SLC16A12: variants seen among roughly 807,000 people sequenced by gnomAD.
SLC16A12 encodes the protein solute carrier family 16 member 12.
In SLC16A12, 17 loss-of-function variants were observed where a neutral mutation model predicts 42.4. The observed-to-expected ratio is 0.40, with a 90% CI of 0.27 to 0.60. The LOEUF (loss-of-function observed/expected upper bound fraction) is 0.60. SLC16A12 is among the 20% of genes least tolerant of loss of function. The pLI is 0.42. For synonymous variants in SLC16A12, 224 were observed against 229.4 expected, an observed-to-expected ratio of 0.98 and a Z score of 0.21; for missense variants, 544 against 623.0, an observed-to-expected ratio of 0.87 and a Z score of 1.35.
intron 2 of SLC16A12, among the ~76,000 whole-genome samples, chr10:89,506,862 C>G (rs150983664): frequency 0.023 from 3,452 of 151,990 alleles, 131 homozygotes; most frequent in African/African-American, 0.078. Flanking sequence ...CTAGAATAAC[C>G]AGTGTAGAGA....
intron 2 of SLC16A12, among the ~76,000 whole-genome samples, chr10:89,473,613 AT>A (rs1169607386): frequency 2.6e-5 from 4 of 152,076 alleles, no homozygotes; most frequent in East Asian, 1.9e-4. Flanking sequence ...ACAAGTTGTA[AT>A]TTTTTTCGTA....
intron 2 of SLC16A12, among the ~76,000 whole-genome samples, chr10:89,468,464 C>A (rs1842442117): frequency 6.6e-6 from 1 of 152,196 alleles, no homozygotes; most frequent in South Asian, 2.1e-4. Flanking sequence ...TTGGATGATG[C>A]ACTTGTCCAT....
rs560224311 is a variant in SLC16A12, at chr10:89,449,286, G to A, written c.201-5427C>T. 2.9e-3 allele frequency among the ~76,000 whole-genome samples: 449 copies of A among 152,246 alleles called. 1 individual carries two copies. Among genetic ancestry groups the A allele is most frequent in the Admixed American group, 3.6e-3 (55 of 15,286 alleles). On this transcript the variant is annotated intron_variant, in intron 3 of 7. Coordinates refer to ENST00000371790, the MANE Select transcript of SLC16A12 (RefSeq NM_213606.4). ...AAAGTTCATATGGAACCAAAAAACT[G>A]CCTGCATTGCCAAGACAATCCTAAC...
At chr10:89,531,015 C>T (rs899263372) in intron 2 of SLC16A12, among the ~76,000 whole-genome samples, 3 of 152,072 alleles carry the variant, frequency 2.0e-5, no homozygotes, top group Non-Finnish European at 4.4e-5. Context: ...TTTAACATTA[C>T]TTACTTTTAT....
chr10:89,539,954 C>A (rs537166623), upstream of SLC16A12, among the ~76,000 whole-genome samples: 2 of 134,194 alleles, frequency 1.5e-5, no homozygotes, highest in Non-Finnish European at 3.2e-5. Context: ...CTTTCTCTTT[C>A]TTTCTTCTTT....
intron 2 of SLC16A12, among the ~76,000 whole-genome samples, chr10:89,527,639 CAA>C (rs144252240): frequency 2.1e-5 from 3 of 143,690 alleles, no homozygotes. Context: ...TCCATTTCTA[CAA>C]AAAAAAAAAA....
chr10:89,443,886 TACAA>T, intron 3 of SLC16A12, 27 bp from the exon 4 acceptor site: 1 of 1,442,770 alleles, frequency 6.9e-7, no homozygotes, highest in Non-Finnish European at 9.8e-7. Flanking sequence ...AGGCATTTTA[TACAA>T]AAAATGAATG....
chr10:89,506,827 G>GA (rs1398526469), intron 2 of SLC16A12, among the ~76,000 whole-genome samples: 1 of 152,014 alleles, frequency 6.6e-6, no homozygotes, highest in African/African-American at 2.4e-5. Flanking sequence ...TAAGAACCTT[G>GA]AAAAAAGGTT....
intron 3 of SLC16A12, among the ~76,000 whole-genome samples, chr10:89,452,208 G>T (rs768789754): frequency 3.9e-5 from 6 of 152,186 alleles, no homozygotes; most frequent in African/African-American, 1.4e-4. Flanking sequence ...CTGAAGGTAG[G>T]AGAATGTCGA....
At position 89,529,842 on chromosome 10, in the gene SLC16A12, C is replaced by T. The variant is rs190657541; in HGVS notation, c.-47+4659G>A. 2.2e-3 allele frequency among the ~76,000 whole-genome samples: 337 copies of T among 152,232 alleles called. 4 individuals carry two copies. The highest frequency in any genetic ancestry group is 7.6e-3 in the African/African-American group (316 of 41,526). On this transcript the variant is annotated intron_variant, in intron 2 of 7. Transcript: ENST00000371790. ...GAATTACAGGCATGAGCCACTGCAC[C>T]CGGCCTCCTTTACAGTCTTAAGTGA...
At chr10:89,442,334 C>T (rs1280588902) in intron 4 of SLC16A12, among the ~76,000 whole-genome samples, 1 of 152,116 alleles carries the variant, frequency 6.6e-6, no homozygotes, top group Non-Finnish European at 1.5e-5. Flanking sequence ...GTACAACAGG[C>T]CTCTTGGTCT....
intron 2 of SLC16A12, among the ~76,000 whole-genome samples, chr10:89,521,029 T>C (rs1480233004): frequency 1.3e-5 from 2 of 152,208 alleles, no homozygotes; most frequent in Admixed American, 6.5e-5. Flanking sequence ...TTAGAGTTTA[T>C]GTAAAGTGCT....
intron 2 of SLC16A12, among the ~76,000 whole-genome samples, chr10:89,552,676 A>T (rs1843778560): frequency 6.6e-6 from 1 of 152,200 alleles, no homozygotes; most frequent in South Asian, 2.1e-4. Flanking sequence ...GAGCCTTCTG[A>T]GTGCCAGGAA....
chr10:89,541,827 C>T (rs1843717534), intron 2 of SLC16A12, among the ~76,000 whole-genome samples: 1 of 152,096 alleles, frequency 6.6e-6, no homozygotes, highest in South Asian at 2.1e-4. Context: ...CAAATATTTC[C>T]ACTAGGTTAG....
intron 1 of SLC16A12, 79 bp downstream of exon 1, chr10:89,535,363 C>G (rs1457066870): frequency 6.6e-6 from 1 of 152,428 alleles, no homozygotes; most frequent in African/African-American, 2.4e-5. Context: ...AATGGAGGGT[C>G]CCCGTCCTCC....
chr10:89,547,748 GC>G (rs1843749487), intron 2 of SLC16A12, among the ~76,000 whole-genome samples: 1 of 152,092 alleles, frequency 6.6e-6, no homozygotes, highest in Non-Finnish European at 1.5e-5. Context: ...TGTAATCCCA[GC>G]ACTTTGGGAG....
In SLC16A12 at chr10:89,493,412, G is replaced by A. The variant is rs577089803; in HGVS notation, c.-46-30788C>T. On this transcript the variant is annotated intron_variant, in intron 2 of 7. Coordinates refer to ENST00000371790, the MANE Select transcript of SLC16A12 (RefSeq NM_213606.4). ...TAATTTTTGTATTATTAGTAGAGAC[G>A]AGGTTTCTCCATGGCGGTCAGGCTG... Among the ~76,000 whole-genome samples, 6 of 152,138 alleles carry A rather than the reference G, an allele frequency of 3.9e-5. No homozygotes were observed. In the South Asian group the frequency reaches 8.3e-4, roughly 21 times the overall value.
intron 2 of SLC16A12, among the ~76,000 whole-genome samples, chr10:89,553,977 AG>A (rs1473164120): frequency 6.6e-6 from 1 of 150,970 alleles, no homozygotes; most frequent in African/African-American, 2.4e-5. Flanking sequence ...CCTGGGCAAC[AG>A]AGCGAGACTC....
rs550048171 is a variant in SLC16A12, at chr10:89,430,450, G to T, written c.*2614C>A. The T allele has an allele frequency of 6.0e-6, 2 of 332,140 alleles. No individual in the cohort carries two copies. The highest frequency in any genetic ancestry group is 2.3e-4 in the East Asian group (2 of 8,768). 20.6% of individuals were successfully genotyped at this position (332,140 alleles called of 1,614,324 possible). ...ATAATGTCTTCTGATTTTCTACTCAGATAATTCCAAAGTAGAGCTTACAGT... is the reference window on the plus strand; with the variant it reads ...ATAATGTCTTCTGATTTTCTACTCATATAATTCCAAAGTAGAGCTTACAGT... On this transcript the variant is annotated 3_prime_UTR_variant, in exon 8 of 8. Coordinates refer to ENST00000371790, the MANE Select transcript of SLC16A12 (RefSeq NM_213606.4).
Sources: allele counts gnomAD v4.1 joint callset (sites outside exome capture counted in the v4.1 genomes callset), GRCh38; gene constraint gnomAD v4.1.1; transcripts MANE v1.5; gene names NCBI Gene and HGNC (gene_info 2026-07-23, HGNC 2026-07-21).